RRP15: variants seen among roughly 807,000 people sequenced by gnomAD.
RRP15 encodes RRP15-like protein.
Under a neutral mutation model 27.1 loss-of-function variants are expected in RRP15, and 18 were observed. The ratio of observed to expected loss-of-function variants is 0.66; its 90% confidence interval spans 0.46 to 0.98. The LOEUF is 0.98. Ranked by LOEUF, RRP15 falls within the 50% of genes least tolerant of loss-of-function variation. The pLI is 0.00. For missense variants in RRP15, 359 were observed against 337.8 expected (o/e 1.06, Z -0.49); for synonymous variants, 107 against 109.4 (o/e 0.98, Z 0.14).
At chr1:218,328,688 A>C (rs936567173) in intron 4 of RRP15, among the ~76,000 whole-genome samples, 1 of 151,738 alleles carries the variant, frequency 6.6e-6, no homozygotes, top group Non-Finnish European at 1.5e-5. Context: ...TTTTTTTTCC[A>C]TGTTCCCTTT....
At chr1:218,323,074 T>C (rs912674225) in intron 4 of RRP15, among the ~76,000 whole-genome samples, 1 of 152,138 alleles carries the variant, frequency 6.6e-6, no homozygotes, top group African/African-American at 2.4e-5. Context: ...TCTGGAAGCT[T>C]GGAGATGCCA....
At chr1:218,287,669 T>C (rs761383718) in intron 1 of RRP15, among the ~76,000 whole-genome samples, 7 of 151,796 alleles carry the variant, frequency 4.6e-5, no homozygotes, top group Non-Finnish European at 8.8e-5. Flanking sequence ...GAAATTCATA[T>C]CCTCTGGAAC....
At chr1:218,320,535 G>C (rs1656170689) in intron 4 of RRP15, among the ~76,000 whole-genome samples, 1 of 152,020 alleles carries the variant, frequency 6.6e-6, no homozygotes. Flanking sequence ...AAATGTTGAG[G>C]AAAATCAATG....
intron 4 of RRP15, among the ~76,000 whole-genome samples, chr1:218,323,382 G>A (rs1400639106): frequency 1.3e-5 from 2 of 152,200 alleles, no homozygotes; most frequent in Non-Finnish European, 2.9e-5. Flanking sequence ...GGGGTGGATA[G>A]CTCCTCGCTG....
rs573991711 is a variant in RRP15, at chr1:218,331,241, A to G, written c.*150A>G. 7.6e-5 allele frequency: 41 copies of G among 540,454 alleles called. No homozygotes were observed. The African/African-American group carries it at 7.7e-4, about 10-fold the overall frequency. 33.5% of individuals were successfully genotyped at this position (540,454 alleles called of 1,614,324 possible). A position where few individuals can be genotyped will look rare whatever the true frequency, so the allele number is the denominator to read the frequency against. On this transcript the variant is annotated 3_prime_UTR_variant, in exon 5 of 5. Transcript: ENST00000366932. ...TATTTCCCCTTTTCATGTACACTTT[A>G]TATATACTTCATTAAAATTATATTT... is the stretch of plus-strand genomic sequence containing the variant.
At position 218,285,326 on chromosome 1, in the gene RRP15, G is replaced by T; in HGVS notation, c.10G>T (p.Ala4Ser). The T allele has an allele frequency of 6.2e-7, 1 of 1,613,140 alleles. No individual in the cohort carries two copies. The highest frequency in any genetic ancestry group is 8.5e-7 in the Non-Finnish European group (1 of 1,179,722). Residue 4 changes from alanine to serine, a missense_variant, in exon 1 of 5, where the codon GCC becomes TCC. Ala to Ser is a moderately conservative substitution (Grantham distance 99, BLOSUM62 1). Coordinates refer to ENST00000366932, the MANE Select transcript of RRP15 (RefSeq NM_016052.4). MAAAAPDSRVSEEE... is the reference protein window; with the variant it reads MAASAPDSRVSEEE... ...CTTCCGGCGCAGAAAAATGGCAGCC[G>T]CCGCTCCGGACTCACGTGTGAGTGA... is the stretch of plus-strand genomic sequence containing the variant.
chr1:218,310,457 G>A (rs1028173211), intron 4 of RRP15, among the ~76,000 whole-genome samples: 1 of 152,048 alleles, frequency 6.6e-6, no homozygotes, highest in Admixed American at 6.6e-5. Context: ...AAAGTCTTAT[G>A]TTCAATAATC....
intron 2 of RRP15, chr1:218,302,776 T>C (rs1328584568): frequency 1.0e-5 from 6 of 583,432 alleles, no homozygotes; most frequent in Non-Finnish European, 1.6e-5. Context: ...GGCAAAGTAA[T>C]AGAAATGTAA....
At chr1:218,314,990 CAAAAAAA>C (rs76826029) in intron 4 of RRP15, among the ~76,000 whole-genome samples, 3 of 61,800 alleles carry the variant, frequency 4.9e-5, no homozygotes, top group Non-Finnish European at 1.1e-4. Flanking sequence ...GGCTCCATCT[CAAAAAAA>C]AAAAAAAAAA....
Position 218,336,170 on chromosome 1 carries a change from T to TA in RRP15, c.*5080dup, listed in dbSNP as rs1337612769. 3 of 152,154 alleles carry TA rather than the reference T, an allele frequency of 2.0e-5. No individual in the cohort carries two copies. The highest frequency in any genetic ancestry group is 4.4e-5 in the Non-Finnish European group (3 of 67,994). The allele number at this position is 152,154 out of a possible 1,614,324, so 9.4% of individuals were successfully genotyped here. A position where few individuals can be genotyped will look rare whatever the true frequency, so the allele number is the denominator to read the frequency against. The stretch of plus-strand genomic sequence containing the variant: ...GTAAGTGTATTTAGTTGTAGGACCT[T>TA]AGAGTTGCCTAGGTCCATTCTATTC... On this transcript the variant is annotated 3_prime_UTR_variant, in exon 5 of 5. Coordinates refer to ENST00000366932, the MANE Select transcript of RRP15 (RefSeq NM_016052.4).
At chr1:218,310,726 C>T (rs949750528) in intron 4 of RRP15, among the ~76,000 whole-genome samples, 7 of 151,694 alleles carry the variant, frequency 4.6e-5, no homozygotes, top group Admixed American at 1.3e-4. Context: ...TGATAGGGCC[C>T]GAACAAGTCA....
At chr1:218,290,779 T>G (rs1655625904) in intron 1 of RRP15, among the ~76,000 whole-genome samples, 1 of 152,208 alleles carries the variant, frequency 6.6e-6, no homozygotes, top group Non-Finnish European at 1.5e-5. Flanking sequence ...TTATGTGTGT[T>G]TTTGTTTGAA....
intron 1 of RRP15, among the ~76,000 whole-genome samples, chr1:218,288,611 A>C (rs1398272067): frequency 6.6e-6 from 1 of 152,216 alleles, no homozygotes; most frequent in African/African-American, 2.4e-5. Context: ...TTGAAGTTTG[A>C]TTGTAGAGCT....
intron 1 of RRP15, among the ~76,000 whole-genome samples, chr1:218,300,048 A>G (rs1040170290): frequency 1.3e-5 from 2 of 152,102 alleles, no homozygotes; most frequent in African/African-American, 4.8e-5. Flanking sequence ...TTGTATGTTA[A>G]AGCCTAGAGT....
intron 4 of RRP15, among the ~76,000 whole-genome samples, chr1:218,310,456 T>C (rs905704555): frequency 2.0e-5 from 3 of 152,188 alleles, no homozygotes; most frequent in Non-Finnish European, 4.4e-5. Context: ...TAAAGTCTTA[T>C]GTTCAATAAT....
At chr1:218,309,435 A>T (rs1221836394) in intron 4 of RRP15, among the ~76,000 whole-genome samples, 1 of 152,194 alleles carries the variant, frequency 6.6e-6, no homozygotes, top group East Asian at 1.9e-4. Flanking sequence ...CTGTAATCCC[A>T]GCACTTTGGG....
At chr1:218,328,922 G>A (rs1656320850) in intron 4 of RRP15, among the ~76,000 whole-genome samples, 1 of 152,072 alleles carries the variant, frequency 6.6e-6, no homozygotes, top group Admixed American at 6.6e-5. Context: ...GATTGTACTT[G>A]TTCATATGTA....
intron 4 of RRP15, among the ~76,000 whole-genome samples, chr1:218,309,142 G>GTA (rs1655949221): frequency 6.6e-6 from 1 of 151,956 alleles, no homozygotes; most frequent in African/African-American, 2.4e-5. Flanking sequence ...TTGTAAGTCT[G>GTA]GGACAAGGTC....
At chr1:218,305,185 AT>A in intron 3 of RRP15, 60 bp downstream of exon 3, 1 of 1,299,106 alleles carries the variant, frequency 7.7e-7, no homozygotes, top group Non-Finnish European at 1.1e-6. Flanking sequence ...TAGTGGTTCT[AT>A]TTTTGACCCA....
Sources: allele counts gnomAD v4.1 joint callset (sites outside exome capture counted in the v4.1 genomes callset), GRCh38; gene constraint gnomAD v4.1.1; transcripts MANE v1.5; gene names NCBI Gene and HGNC (gene_info 2026-07-23, HGNC 2026-07-21).